Variants in ABLIM1 observed in about 807,000 individuals in gnomAD.
ABLIM1 encodes the protein actin-binding LIM protein 1.
In ABLIM1, 40 loss-of-function variants were observed where a neutral mutation model predicts 107.0. That is an observed-to-expected ratio of 0.37 (90% CI 0.29 to 0.49). ABLIM1 has a LOEUF of 0.49. ABLIM1 is among the 20% of genes least tolerant of loss of function. The pLI, the probability that ABLIM1 is intolerant of heterozygous loss-of-function variation, is 0.97. For missense variants in ABLIM1, 857 were observed against 1,008.5 expected (o/e 0.85, Z 2.04); for synonymous variants, 357 against 357.3 (o/e 1.00, Z 0.01).
At chr10:114,554,076 A>G (rs2483535) in intron 4 of ABLIM1, among the ~76,000 whole-genome samples, 56,501 of 152,068 alleles carry the variant, frequency 0.37, 13,856 homozygotes, top group African/African-American at 0.7. Context: ...CAAGAGGTTA[A>G]TCAGAAATTT....
chr10:114,574,183 T>C (rs929193512), intron 3 of ABLIM1, among the ~76,000 whole-genome samples: 5 of 152,298 alleles, frequency 3.3e-5, no homozygotes, highest in Non-Finnish European at 1.5e-5. Context: ...ACACGTCTCC[T>C]CTGAATTGGG....
intron 1 of ABLIM1, among the ~76,000 whole-genome samples, chr10:114,716,593 T>C (rs1000108738): frequency 6.6e-6 from 1 of 152,198 alleles, no homozygotes; most frequent in Non-Finnish European, 1.5e-5. Flanking sequence ...CTTGATATAC[T>C]TCATCTGAAC....
At chr10:114,520,688 A>T (rs948356554) in intron 6 of ABLIM1, among the ~76,000 whole-genome samples, 3 of 152,098 alleles carry the variant, frequency 2.0e-5, no homozygotes, top group Admixed American at 2.0e-4. Flanking sequence ...AAAATGACGT[A>T]GGCTGGGTGT....
chr10:114,501,900 T>C (rs1388628991), intron 6 of ABLIM1: 2 of 152,170 alleles, frequency 1.3e-5, no homozygotes, highest in Non-Finnish European at 2.9e-5. Flanking sequence ...ATTCTATGGG[T>C]TTAGACAAAT....
chr10:114,752,611 C>A (rs1258993053), intron 1 of ABLIM1, among the ~76,000 whole-genome samples: 4 of 152,168 alleles, frequency 2.6e-5, no homozygotes, highest in Non-Finnish European at 5.9e-5. Context: ...TGCCAACAGG[C>A]CCCAGTGTGT....
At chr10:114,522,316 C>A (rs891622584) in intron 6 of ABLIM1, among the ~76,000 whole-genome samples, 1 of 152,208 alleles carries the variant, frequency 6.6e-6, no homozygotes, top group Non-Finnish European at 1.5e-5. Flanking sequence ...CCACCCCCCA[C>A]TTATTCCCTA....
chr10:114,488,101 T>G, intron 7 of ABLIM1, 85 bp from the exon 8 acceptor site: 3 of 1,366,990 alleles, frequency 2.2e-6, no homozygotes, highest in Non-Finnish European at 3.1e-6. Context: ...GAATGGCTCC[T>G]ATCCCTCTTT....
intron 4 of ABLIM1, among the ~76,000 whole-genome samples, chr10:114,559,987 C>T (rs994927072): frequency 7.9e-5 from 12 of 152,258 alleles, no homozygotes; most frequent in African/African-American, 1.2e-4. Flanking sequence ...TGCTACCTGC[C>T]GTCACCTAAG....
the ABLIM1 span, chr10:114,779,424 T>C: frequency 2.0e-5 from 3 of 152,246 alleles, no homozygotes; most frequent in East Asian, 5.8e-4. Context: ...TGCCCTTTTT[T>C]CTTAAATGTT....
At chr10:114,666,100 T>C (rs1363309886) in intron 1 of ABLIM1, among the ~76,000 whole-genome samples, 2 of 152,190 alleles carry the variant, frequency 1.3e-5, no homozygotes, top group Non-Finnish European at 2.9e-5. Flanking sequence ...GGACAATGTA[T>C]TGGACACAAA....
intron 4 of ABLIM1, among the ~76,000 whole-genome samples, chr10:114,555,698 G>T (rs58938015): frequency 0.17 from 26,032 of 151,974 alleles, 2,499 homozygotes; most frequent in Middle Eastern, 0.3. Context: ...CTTATAAAAC[G>T]TCCAGAGGGA....
In ABLIM1 at chr10:114,447,871, G is replaced by T. The variant is rs746145760; in HGVS notation, c.1735+9C>A. ...TTGTCCCTTTGACTTAGCCGTGACA[G>T]TTGCATACCTACGACAGCAAATGAG... On this transcript the variant is annotated intron_variant, in intron 15 of 22. Transcript: ENST00000533213. 27 of 1,613,936 alleles carry T rather than the reference G, an allele frequency of 1.7e-5. No individual in the cohort carries two copies. Among genetic ancestry groups the T allele is most frequent in the Admixed American group, 1.2e-4 (7 of 59,984 alleles).
intron 1 of ABLIM1, among the ~76,000 whole-genome samples, chr10:114,736,297 G>A (rs1046641304): frequency 6.6e-6 from 1 of 152,062 alleles, no homozygotes; most frequent in Non-Finnish European, 1.5e-5. Flanking sequence ...TCATAAATAA[G>A]AATGTAATAA....
At chr10:114,730,203 G>C (rs1266778587) in intron 1 of ABLIM1, among the ~76,000 whole-genome samples, 1 of 152,050 alleles carries the variant, frequency 6.6e-6, no homozygotes, top group East Asian at 1.9e-4. Context: ...TTCCAGACCA[G>C]CCTGGGAAAC....
chr10:114,656,269 C>CAAA (rs71007486), intron 1 of ABLIM1, among the ~76,000 whole-genome samples: 1,149 of 63,310 alleles, frequency 0.018, 49 homozygotes, highest in African/African-American at 0.07. Context: ...AACTCCGTCT[C>CAAA]AAAAAAAAAA....
intron 1 of ABLIM1, among the ~76,000 whole-genome samples, chr10:114,727,539 CTG>C (rs2081985453): frequency 6.6e-6 from 1 of 152,066 alleles, no homozygotes; most frequent in Non-Finnish European, 1.5e-5. Flanking sequence ...AAAAGTCAAA[CTG>C]AAACTTTTAG....
chr10:114,523,351 G>A (rs1404961229), intron 6 of ABLIM1, among the ~76,000 whole-genome samples: 1 of 152,090 alleles, frequency 6.6e-6, no homozygotes. Context: ...GAACCAGGTA[G>A]GTTCTCTGGG....
rs545388753 is a variant in ABLIM1 at position 114,467,434 on chromosome 10, A to G, written c.1311+747T>C. Among the ~76,000 whole-genome samples, 16 of 152,364 alleles carry G rather than the reference A, an allele frequency of 1.1e-4. No individual in the cohort carries two copies. In the South Asian group the frequency reaches 3.3e-3, roughly 32 times the overall value. ...CGACTAAATGAACACCTCAGTAACCATAGCTTTGTGGAATTTGAGAGCAAA... is the reference window on the plus strand; with the variant it reads ...CGACTAAATGAACACCTCAGTAACCGTAGCTTTGTGGAATTTGAGAGCAAA... On this transcript the variant is annotated intron_variant, in intron 11 of 22. Coordinates refer to ENST00000533213, the MANE Select transcript of ABLIM1 (RefSeq NM_002313.7).
chr10:114,767,729 C>T (rs2082933792), intron 1 of ABLIM1, among the ~76,000 whole-genome samples: 1 of 152,074 alleles, frequency 6.6e-6, no homozygotes, highest in Admixed American at 6.5e-5. Context: ...GGAAAAAATA[C>T]CTCTTCCTCC....
Sources: allele counts gnomAD v4.1 joint callset (sites outside exome capture counted in the v4.1 genomes callset), GRCh38; gene constraint gnomAD v4.1.1; transcripts MANE v1.5; gene names NCBI Gene and HGNC (gene_info 2026-07-23, HGNC 2026-07-21).